The following DHRS3 variants were observed in gnomAD, a reference collection of about 807,000 sequenced individuals.
DHRS3 encodes the protein short-chain dehydrogenase/reductase 3.
Under a neutral mutation model 27.2 loss-of-function variants are expected in DHRS3, and 14 were observed. The ratio of observed to expected loss-of-function variants is 0.52; its 90% CI spans 0.34 to 0.81. The LOEUF is 0.81. Ranked by LOEUF, DHRS3 falls within the 30% of genes least tolerant of loss-of-function variation. DHRS3 has a pLI of 0.01. For synonymous variants in DHRS3, 165 were observed against 175.9 expected (o/e 0.94, Z 0.49); for missense variants, 322 against 406.2 (o/e 0.79, Z 1.78).
At chr1:12,606,734 A>T (rs1215450225) in intron 1 of DHRS3, among the ~76,000 whole-genome samples, 2 of 151,816 alleles carry the variant, frequency 1.3e-5, no homozygotes, top group Admixed American at 1.3e-4. Flanking sequence ...CGACCAGGTG[A>T]TCCGCCCGCC....
rs1646741226 is a variant in DHRS3 at position 12,591,020 on chromosome 1, G to GT, written c.196-10355dup. ...GACAGAGAGATCGTGCGATTCTGTG[G>GT]TTTTGTCCCACTCAAGGCTGTTTCT... On this transcript the variant is annotated intron_variant, in intron 1 of 5. Transcript: ENST00000616661. The surrounding 1 kb of genome is among the most constrained non-coding windows in gnomAD (Gnocchi z 4.1). Among the ~76,000 whole-genome samples the GT allele has an allele frequency of 6.6e-6, 1 of 152,194 alleles. No individual in the cohort carries two copies. The highest frequency in any genetic ancestry group is 1.5e-5 in the Non-Finnish European group (1 of 68,036).
intron 1 of DHRS3, among the ~76,000 whole-genome samples, chr1:12,616,287 C>G (rs1646943910): frequency 6.6e-6 from 1 of 152,206 alleles, no homozygotes; most frequent in African/African-American, 2.4e-5. Context: ...GCCTCCCTCT[C>G]CTGATGGCTC....
intron 1 of DHRS3, among the ~76,000 whole-genome samples, chr1:12,605,028 C>T (rs565830088): frequency 7.7e-5 from 11 of 143,420 alleles, no homozygotes; most frequent in East Asian, 2.1e-4. Flanking sequence ...TGCAATGAAC[C>T]GAGATCGTGC....
At chr1:12,602,160 G>A (rs1046320405) in intron 1 of DHRS3, among the ~76,000 whole-genome samples, 14 of 125,102 alleles carry the variant, frequency 1.1e-4, no homozygotes, top group Admixed American at 8.7e-5. Flanking sequence ...CTACTTGGAC[G>A]CAGAGATCAA....
At chr1:12,572,143 G>A (rs571260658) in intron 5 of DHRS3, among the ~76,000 whole-genome samples, 1 of 152,202 alleles carries the variant, frequency 6.6e-6, no homozygotes, top group South Asian at 2.1e-4. Context: ...ATAAACAAAT[G>A]TATACAACTT....
intron 1 of DHRS3, among the ~76,000 whole-genome samples, chr1:12,588,930 C>T (rs374936538): frequency 2.0e-4 from 31 of 152,194 alleles, no homozygotes; most frequent in East Asian, 3.8e-4. Flanking sequence ...GGAGCTGGAT[C>T]GGTGCTGACT....
rs58614555 is a variant in DHRS3, at chr1:12,617,520, G to GAAAAA, written c.-177_-173dup. ...AATGCAAAGCACCGGGTGAGAAAAA[G>GAAAAA]AAAAAAAAAAAAAAAAAAAAGATAA... On this transcript the variant is annotated 5_prime_UTR_variant, in exon 1 of 6. Transcript: ENST00000616661. 19 of 131,854 alleles carry GAAAAA rather than the reference G, an allele frequency of 1.4e-4. No individual in the cohort carries two copies. The highest frequency in any genetic ancestry group is 2.5e-4 in the South Asian group (1 of 4,010). The allele number at this position is 131,854 out of a possible 1,614,324, so 8.2% of individuals were successfully genotyped here.
At chr1:12,575,948 C>T (rs1332632114) in intron 4 of DHRS3, among the ~76,000 whole-genome samples, 1 of 152,040 alleles carries the variant, frequency 6.6e-6, no homozygotes, top group Non-Finnish European at 1.5e-5. Context: ...CTCAGGTGAC[C>T]TGCCCGCCTT....
chr1:12,595,636 G>A (rs1646789882), intron 1 of DHRS3, among the ~76,000 whole-genome samples: 1 of 151,162 alleles, frequency 6.6e-6, no homozygotes, highest in South Asian at 2.1e-4. Context: ...GATAGGGAGG[G>A]CTTTGCGGGG....
chr1:12,614,133 G>C (rs1231670202), intron 1 of DHRS3, among the ~76,000 whole-genome samples: 1 of 152,142 alleles, frequency 6.6e-6, no homozygotes, highest in African/African-American at 2.4e-5. Flanking sequence ...CCCAAGGTTT[G>C]CAATCATGGC....
At position 12,599,075 on chromosome 1, in the gene DHRS3, CA is replaced by C. The variant is rs1172250873; in HGVS notation, c.195+18078del. Among the ~76,000 whole-genome samples, 5 of 152,354 alleles carry C rather than the reference CA, an allele frequency of 3.3e-5. No individual in the cohort carries two copies. In the South Asian group the frequency reaches 8.3e-4, roughly 25 times the overall value. On this transcript the variant is annotated intron_variant, in intron 1 of 5. Coordinates refer to ENST00000616661, the MANE Select transcript of DHRS3 (RefSeq NM_004753.7). ...TAATTTATGGACCAGCCTCTAAGGA[CA>C]AGCCTTAAATTACTTGCAAGCTGTG...
rs983068827 is a variant in DHRS3 at position 12,572,236 on chromosome 1, C to T, written c.824+492G>A. On this transcript the variant is annotated intron_variant, in intron 5 of 5. Coordinates refer to ENST00000616661, the MANE Select transcript of DHRS3 (RefSeq NM_004753.7). ...AGGCTGGAGTGCAGTGGCACGATCT[C>T]GGCTCACTGCAAGCTCCACCTCCTG... 2.6e-5 allele frequency among the ~76,000 whole-genome samples: 4 copies of T among 152,270 alleles called. 1 individual carries two copies.
chr1:12,610,716 C>T (rs1646903549), intron 1 of DHRS3, among the ~76,000 whole-genome samples: 1 of 152,214 alleles, frequency 6.6e-6, no homozygotes, highest in African/African-American at 2.4e-5. Context: ...AATAGACTCA[C>T]TTTTCTCATT....
intron 1 of DHRS3, among the ~76,000 whole-genome samples, chr1:12,601,000 G>A (rs777092957): frequency 8.0e-4 from 122 of 151,842 alleles, no homozygotes; most frequent in Non-Finnish European, 6.6e-4. Context: ...TGGGGGGCGC[G>A]GTGGTAAGGC....
chr1:12,579,255 C>A, intron 3 of DHRS3, 38 bp downstream of exon 3: 1 of 1,613,914 alleles, frequency 6.2e-7, no homozygotes, highest in Non-Finnish European at 8.5e-7. Flanking sequence ...GGGCTCCCTG[C>A]ACGCCCGGGG....
rs1233833159 is a variant in DHRS3 at position 12,591,552 on chromosome 1, G to T, written c.196-10886C>A. Among the ~76,000 whole-genome samples the T allele has an allele frequency of 6.6e-6, 1 of 152,242 alleles. No individual in the cohort carries two copies. Among genetic ancestry groups the T allele is most frequent in the Non-Finnish European group, 1.5e-5 (1 of 68,046 alleles). ...CGGACGTCCAGCCTGGAACTGGCCC[G>T]CTTGGGAGGCACAGGAATGACAGTA... On this transcript the variant is annotated intron_variant, in intron 1 of 5. Transcript: ENST00000616661. The surrounding 1 kb of genome is among the most constrained non-coding windows in gnomAD (Gnocchi z 4.1).
intron 5 of DHRS3, among the ~76,000 whole-genome samples, chr1:12,569,778 C>T (rs1398488831): frequency 6.6e-6 from 1 of 152,216 alleles, no homozygotes; most frequent in East Asian, 1.9e-4. Flanking sequence ...GTTGGCCAGG[C>T]TGGTCTTGAA....
At chr1:12,604,148 G>C (rs1646854245) in intron 1 of DHRS3, among the ~76,000 whole-genome samples, 2 of 152,210 alleles carry the variant, frequency 1.3e-5, no homozygotes, top group African/African-American at 4.8e-5. Flanking sequence ...CAGAAAAATG[G>C]AGAGTTCCTG....
chr1:12,584,857 T>C (rs1646678506), intron 1 of DHRS3, among the ~76,000 whole-genome samples: 1 of 149,306 alleles, frequency 6.7e-6, no homozygotes, highest in Admixed American at 6.7e-5. Context: ...TGTAACTGGG[T>C]TTCTGTAGTA....
Sources: gnomAD v4.1 joint callset for allele counts (sites outside exome capture counted in the v4.1 genomes callset) on GRCh38, gnomAD v4.1.1 for gene constraint, Gnocchi (gnomAD v3.1) non-coding constraint, MANE v1.5 for transcripts, NCBI Gene and HGNC (gene_info 2026-07-23, HGNC 2026-07-21) for gene names.